Variants in RNF43 observed in about 807,000 individuals in gnomAD.
RNF43 encodes E3 ubiquitin-protein ligase RNF43.
In RNF43, 37 loss-of-function variants were observed where a neutral mutation model predicts 78.4. That is an observed-to-expected ratio of 0.47 (90% confidence interval 0.36 to 0.62). The LOEUF (loss-of-function observed/expected upper bound fraction) is 0.62. RNF43 is among the 20% of genes least tolerant of loss of function. The pLI is 0.00. For synonymous variants in RNF43, 347 were observed against 395.0 expected (o/e 0.88, Z 1.44); for missense variants, 774 against 1,007.9 (o/e 0.77, Z 3.14).
intron 6 of RNF43, 104 bp from the exon 7 acceptor site, chr17:58,361,048 G>T: frequency 1.6e-6 from 2 of 1,213,220 alleles, no homozygotes; most frequent in Non-Finnish European, 2.2e-6. Context: ...AGATCACATG[G>T]CCAGTTGAAC....
At position 58,369,085 on chromosome 17, in the gene RNF43, ACACACACG is replaced by A. The variant is rs1216363250; in HGVS notation, c.375+1818_375+1825del. ...CTCTCTCATACACACACACACACAC[ACACACACG>A]CACACACACACACACTCACTATGTA... On this transcript the variant is annotated intron_variant, in intron 3 of 9. Transcript: ENST00000407977. Among the ~76,000 whole-genome samples the A allele has an allele frequency of 3.0e-3, 451 of 152,154 alleles. 1 individual carries two copies. The highest frequency in any genetic ancestry group is 0.01 in the African/African-American group (429 of 41,488).
chr17:58,356,128 G>GCT (rs1177638288), intron 9 of RNF43, among the ~76,000 whole-genome samples: 1 of 152,208 alleles, frequency 6.6e-6, no homozygotes, highest in Middle Eastern at 3.2e-3. Context: ...GCAGTACATG[G>GCT]CTCTCTCCCC....
intron 2 of RNF43, among the ~76,000 whole-genome samples, chr17:58,384,295 T>C (rs1973385753): frequency 6.6e-6 from 1 of 152,172 alleles, no homozygotes; most frequent in Admixed American, 6.5e-5. Flanking sequence ...GGAGGTGCCA[T>C]CACCACACTG....
intron 2 of RNF43, among the ~76,000 whole-genome samples, chr17:58,391,880 A>T (rs1598156143): frequency 6.6e-6 from 1 of 152,278 alleles, no homozygotes; most frequent in South Asian, 2.1e-4. Context: ...ACCACTCAGG[A>T]CTGGGGAGAG....
intron 2 of RNF43, among the ~76,000 whole-genome samples, chr17:58,391,995 A>AAAACG (rs1973570065): frequency 6.6e-6 from 1 of 151,336 alleles, no homozygotes; most frequent in Non-Finnish European, 1.5e-5. Context: ...TGGGGGTAGA[A>AAAACG]AAACGACCCT....
intron 2 of RNF43, among the ~76,000 whole-genome samples, chr17:58,376,352 C>A (rs1341284378): frequency 1.4e-5 from 2 of 140,556 alleles, no homozygotes; most frequent in Non-Finnish European, 3.1e-5. Context: ...TGGGATAGGA[C>A]CTTGGTGTTA....
chr17:58,415,638 T>C lies in RNF43; in HGVS notation c.-61A>G. The C allele has an allele frequency of 3.2e-6, 5 of 1,567,402 alleles. No individual in the cohort carries two copies. The highest frequency in any genetic ancestry group is 4.3e-6 in the Non-Finnish European group (5 of 1,156,308). ...ACTGCTTCCACTAGCTAATACCAAA[T>C]GCAGGTTCTCAGATCCAGACAAATG... On this transcript the variant is annotated 5_prime_UTR_variant, in exon 2 of 10. Coordinates refer to ENST00000407977, the MANE Select transcript of RNF43 (RefSeq NM_017763.6).
At chr17:58,362,899 G>A (rs920330703) in intron 5 of RNF43, among the ~76,000 whole-genome samples, 2 of 152,188 alleles carry the variant, frequency 1.3e-5, no homozygotes, top group Non-Finnish European at 2.9e-5. Flanking sequence ...GGAAAAAAGA[G>A]AAAGGGACCC....
At position 58,363,427 on chromosome 17, in the gene RNF43, C is replaced by G. The variant is rs757770356; in HGVS notation, c.451-21G>C. 3.7e-6 allele frequency: 6 copies of G among 1,614,018 alleles called. No individual in the cohort carries two copies. The African/African-American group carries it at 5.3e-5, about 14-fold the overall frequency. The stretch of plus-strand genomic sequence containing the variant: ...TGCAGCTACAGGGGGAAAGTGCCCA[C>G]AGGGCTGCTGTGACTTCTCCCTGCC... On this transcript the variant is annotated intron_variant, in intron 4 of 9. Coordinates refer to ENST00000407977, the MANE Select transcript of RNF43 (RefSeq NM_017763.6).
chr17:58,405,912 T>A (rs570652213), intron 2 of RNF43, among the ~76,000 whole-genome samples: 1 of 152,326 alleles, frequency 6.6e-6, no homozygotes, highest in East Asian at 1.9e-4. Flanking sequence ...ATTACTATAG[T>A]ATCTGTCACA....
intron 2 of RNF43, among the ~76,000 whole-genome samples, chr17:58,382,035 C>T (rs561312873): frequency 2.1e-4 from 32 of 152,232 alleles, no homozygotes; most frequent in Non-Finnish European, 2.6e-4. Flanking sequence ...CTTCTCCAAT[C>T]CTTTGACCAG....
rs193149631 is a variant in RNF43 at position 58,366,369 on chromosome 17, C to T, written c.376-2769G>A. On this transcript the variant is annotated intron_variant, in intron 3 of 9. Transcript: ENST00000407977. ...GCCTCTCCCCTCCACGCACCAGGTG[C>T]GTCCCTGAAACCTGGACTTAGCAGA... 1.2e-4 allele frequency among the ~76,000 whole-genome samples: 18 copies of T among 152,290 alleles called. No homozygotes were observed. In the South Asian group the frequency reaches 3.5e-3, roughly 30 times the overall value.
At position 58,417,029 on chromosome 17, in the gene RNF43, C is replaced by G. The variant is rs1403338487; in HGVS notation, c.-398G>C. 6.6e-6 allele frequency: 1 copy of G among 152,162 alleles called. No individual in the cohort carries two copies. The highest frequency in any genetic ancestry group is 2.4e-5 in the African/African-American group (1 of 41,410). The allele number at this position is 152,162 out of a possible 1,614,324, so 9.4% of individuals were successfully genotyped here. ...GAAATCTGCAAACCTGTTGCGCTGT[C>G]GGGCCCACTGGAATCCACGGGGGTG... On this transcript the variant is annotated 5_prime_UTR_variant, in exon 1 of 10. Transcript: ENST00000407977.
At chr17:58,356,512 G>A (rs934528920) in intron 9 of RNF43, among the ~76,000 whole-genome samples, 2 of 152,174 alleles carry the variant, frequency 1.3e-5, no homozygotes, top group Non-Finnish European at 2.9e-5. Flanking sequence ...CACTGCTTAT[G>A]ATATAGGGAT....
chr17:58,409,721 C>CA (rs1217349166), intron 2 of RNF43, among the ~76,000 whole-genome samples: 3 of 151,916 alleles, frequency 2.0e-5, no homozygotes, highest in African/African-American at 2.4e-5. Flanking sequence ...CCTGTCTCTA[C>CA]AAAAAATTGA....
rs2143424170 is a variant in RNF43 at position 58,358,680 on chromosome 17, C to T, written c.1096G>A (p.Val366Met). 3 of 1,530,900 alleles carry T rather than the reference C, an allele frequency of 2.0e-6. No homozygotes were observed. The highest frequency in any genetic ancestry group is 1.4e-5 in the African/African-American group (1 of 72,912). The allele number at this position is 1,530,900 out of a possible 1,614,324, so 94.8% of individuals were successfully genotyped here. The change falls in exon 9 of 10, where the codon GTG (valine) becomes ATG (methionine). Residue 366 changes from valine (V) to methionine (M), a missense_variant. By Grantham distance (21) the Val-to-Met change is conservative (BLOSUM62 1). Coordinates refer to ENST00000407977, the MANE Select transcript of RNF43 (RefSeq NM_017763.6). The surrounding 1 kb of genome is among the most constrained non-coding windows in gnomAD (Gnocchi z 6.2). ...GGACCAGGTCGTGGGGGCCGAGCCA[C>T]TGCACTCCGGGAAGGGCCCAACAGG... The part of the protein sequence containing the change: ...AYLLGPSRSA[V>M]ARPPRPGPFL...
At chr17:58,406,732 G>GA (rs751819702) in intron 2 of RNF43, among the ~76,000 whole-genome samples, 5 of 147,970 alleles carry the variant, frequency 3.4e-5, no homozygotes, top group East Asian at 3.9e-4. Flanking sequence ...TGGTTTGGGG[G>GA]AAAAAACGAA....
intron 2 of RNF43, among the ~76,000 whole-genome samples, chr17:58,393,525 T>C (rs533196976): frequency 6.6e-6 from 1 of 152,326 alleles, no homozygotes; most frequent in South Asian, 2.1e-4. Context: ...CTGTTATTAG[T>C]AAGGATTCTA....
intron 2 of RNF43, among the ~76,000 whole-genome samples, chr17:58,376,825 T>A (rs893526259): frequency 1.3e-5 from 2 of 152,060 alleles, no homozygotes; most frequent in East Asian, 1.9e-4. Flanking sequence ...CTTGGTGAAT[T>A]TGACTTCCTC....
Sources: gnomAD v4.1 joint callset for allele counts (sites outside exome capture counted in the v4.1 genomes callset) on GRCh38, gnomAD v4.1.1 for gene constraint, Gnocchi (gnomAD v3.1) non-coding constraint, MANE v1.5 for transcripts, NCBI Gene and HGNC (gene_info 2026-07-23, HGNC 2026-07-21) for gene names.